Variants in FAM219A observed in about 807,000 individuals in gnomAD.
The protein encoded by FAM219A is protein FAM219A.
In FAM219A, 7 loss-of-function variants were observed where a neutral mutation model predicts 23.4. That is an observed-to-expected ratio of 0.30 (90% CI 0.17 to 0.56). FAM219A has a LOEUF of 0.56. Among genes scored for constraint, FAM219A ranks in the 20% least tolerant of loss-of-function variants. The pLI, the probability that FAM219A is intolerant of heterozygous loss-of-function variation, is 0.92. For missense variants in FAM219A, 166 were observed against 246.9 expected, an observed-to-expected ratio of 0.67 and a Z score of 2.20; for synonymous variants, 93 against 99.0, an observed-to-expected ratio of 0.94 and a Z score of 0.36.
chr9:34,401,486 T>C (rs1240202845), intron 5 of FAM219A, among the ~76,000 whole-genome samples, 180 bp downstream of exon 5: 2 of 152,230 alleles, frequency 1.3e-5, no homozygotes, highest in African/African-American at 4.8e-5. Flanking sequence ...CTGGGCTCCA[T>C]GCACTTGAGG....
At position 34,399,439 on chromosome 9, in the gene FAM219A, C is replaced by G. The variant is rs1821343382; in HGVS notation, c.*1525G>C. ...ATACACATCTTGATCTACAGACACC[C>G]TATACAGCCACACACAATAGACAAC... On this transcript the variant is annotated 3_prime_UTR_variant, in exon 6 of 6. Transcript: ENST00000651358. The G allele has an allele frequency of 6.6e-6, 1 of 152,332 alleles. No individual in the cohort carries two copies. Among genetic ancestry groups the G allele is most frequent in the Non-Finnish European group, 1.5e-5 (1 of 68,168 alleles). The allele number at this position is 152,332 out of a possible 1,614,324, so 9.4% of individuals were successfully genotyped here.
In FAM219A at chr9:34,430,461, C is replaced by A. The variant is rs527462067; in HGVS notation, c.61-24497G>T. Among the ~76,000 whole-genome samples the A allele has an allele frequency of 2.0e-5, 3 of 151,504 alleles. No individual in the cohort carries two copies. The South Asian group carries it at 6.3e-4, about 32-fold the overall frequency. Reference sequence around the variant, plus strand: ...GACCATCCTGGCTAACATGGTGAAACCCCATCTGTACTAAAAATATGAAAA... The same window carrying A: ...GACCATCCTGGCTAACATGGTGAAAACCCATCTGTACTAAAAATATGAAAA... On this transcript the variant is annotated intron_variant, in intron 1 of 5. Coordinates refer to ENST00000651358, the MANE Select transcript of FAM219A (RefSeq NM_001184940.2).
chr9:34,447,794 T>G (rs765472342), intron 1 of FAM219A, among the ~76,000 whole-genome samples: 6 of 152,176 alleles, frequency 3.9e-5, no homozygotes, highest in Non-Finnish European at 5.9e-5. Context: ...CCTATTTATT[T>G]CAAAAGGATT....
chr9:34,405,142 C>T (rs1821587677), intron 2 of FAM219A, among the ~76,000 whole-genome samples: 1 of 152,154 alleles, frequency 6.6e-6, no homozygotes, highest in Admixed American at 6.5e-5. Context: ...CCAAAGTTTT[C>T]ATAAAAGTGT....
chr9:34,458,135 C>T lies in FAM219A; in HGVS notation c.60+69G>A. ...CGCCCCTCCGCACGATCCCCCCGGC[C>T]TGATTCCCTCCCTCCCCCTCAAGCG... is the stretch of plus-strand genomic sequence containing the variant. On this transcript the variant is annotated intron_variant, in intron 1 of 5. Coordinates refer to ENST00000651358, the MANE Select transcript of FAM219A (RefSeq NM_001184940.2). This position sits in a 1 kb window ranked among gnomAD's most constrained non-coding sequence, Gnocchi z 6.6. 3 of 1,431,278 alleles carry T rather than the reference C, an allele frequency of 2.1e-6. No individual in the cohort carries two copies. The Admixed American group carries it at 6.5e-5, about 31-fold the overall frequency. The allele number at this position is 1,431,278 out of a possible 1,614,324, so 88.7% of individuals were successfully genotyped here. A position where few individuals can be genotyped will look rare whatever the true frequency, so the allele number is the denominator to read the frequency against.
intron 1 of FAM219A, among the ~76,000 whole-genome samples, chr9:34,416,310 CGAAGGAAG>C (rs138084194): frequency 9.3e-5 from 6 of 64,374 alleles, no homozygotes; most frequent in Admixed American, 3.0e-4. Flanking sequence ...AAGGAAGGAA[CGAAGGAAG>C]GAAGGAAGGA....
At chr9:34,421,138 G>A (rs1822267609) in intron 1 of FAM219A, among the ~76,000 whole-genome samples, 2 of 152,044 alleles carry the variant, frequency 1.3e-5, no homozygotes, top group African/African-American at 4.8e-5. Context: ...AGGGAGGTCA[G>A]GGCTGAGGGG....
intron 1 of FAM219A, among the ~76,000 whole-genome samples, chr9:34,428,773 C>A (rs1244639828): frequency 6.6e-6 from 1 of 152,200 alleles, no homozygotes; most frequent in Non-Finnish European, 1.5e-5. Context: ...ACAAACAAAC[C>A]CTCTTGGGAT....
intron 1 of FAM219A, among the ~76,000 whole-genome samples, chr9:34,446,163 ACT>A (rs1327571652): frequency 1.5e-5 from 2 of 134,980 alleles, no homozygotes; most frequent in African/African-American, 6.1e-5. Flanking sequence ...ACAGAGCGAG[ACT>A]CTGTCTCAAA....
At chr9:34,455,465 ATTTTTTT>A (rs11394221) in intron 1 of FAM219A, among the ~76,000 whole-genome samples, 2 of 129,692 alleles carry the variant, frequency 1.5e-5, no homozygotes, top group South Asian at 2.5e-4. Flanking sequence ...TGCTATCTTG[ATTTTTTT>A]TTTTTTTTTT....
At chr9:34,425,681 G>A (rs1822437640) in intron 1 of FAM219A, among the ~76,000 whole-genome samples, 1 of 152,128 alleles carries the variant, frequency 6.6e-6, no homozygotes, top group African/African-American at 2.4e-5. Flanking sequence ...ATGAGTGAGT[G>A]GGCAGTGCAC....
intron 4 of FAM219A, 168 bp downstream of exon 4, chr9:34,402,219 C>T (rs2131923227): frequency 2.5e-6 from 4 of 1,578,720 alleles, no homozygotes; most frequent in Non-Finnish European, 3.4e-6. Context: ...CTTCAACCCC[C>T]AGTCCCTGGT....
At chr9:34,431,101 C>T (rs1311945257) in intron 1 of FAM219A, among the ~76,000 whole-genome samples, 1 of 152,228 alleles carries the variant, frequency 6.6e-6, no homozygotes, top group Non-Finnish European at 1.5e-5. Flanking sequence ...GAAGTAGCTC[C>T]TGCATGACTC....
chr9:34,443,009 C>T (rs945255216), intron 1 of FAM219A, among the ~76,000 whole-genome samples: 10 of 151,330 alleles, frequency 6.6e-5, no homozygotes, highest in Non-Finnish European at 1.5e-4. Context: ...CAAGATAATC[C>T]AGTAGGTGGG....
intron 1 of FAM219A, among the ~76,000 whole-genome samples, chr9:34,453,675 C>CAG (rs1823638906): frequency 6.6e-6 from 1 of 152,186 alleles, no homozygotes; most frequent in Admixed American, 6.5e-5. Flanking sequence ...TTCAGCTGTG[C>CAG]AGAGACCCTA....
intron 1 of FAM219A, among the ~76,000 whole-genome samples, chr9:34,424,443 T>TGGGCAAGGGGTGGGTTGA (rs1554677828): frequency 1.3e-5 from 2 of 150,998 alleles, no homozygotes; most frequent in Non-Finnish European, 2.9e-5. Flanking sequence ...TTAGGAAGTG[T>TGGGCAAGGGGTGGGTTGA]GGGCAAGGGG....
At chr9:34,453,353 T>A (rs1823623637) in intron 1 of FAM219A, among the ~76,000 whole-genome samples, 1 of 152,166 alleles carries the variant, frequency 6.6e-6, no homozygotes, top group Non-Finnish European at 1.5e-5. Flanking sequence ...CATCCCTGAG[T>A]GTCAGGAAGC....
At chr9:34,434,625 G>C (rs567565561) in intron 1 of FAM219A, among the ~76,000 whole-genome samples, 2 of 152,284 alleles carry the variant, frequency 1.3e-5, no homozygotes, top group Admixed American at 1.3e-4. Flanking sequence ...ACACTAATGG[G>C]AGGAAGGCCA....
rs34403925 is a variant in FAM219A, at chr9:34,412,602, GA to G, written c.61-6639del. On this transcript the variant is annotated intron_variant, in intron 1 of 5. Coordinates refer to ENST00000651358, the MANE Select transcript of FAM219A (RefSeq NM_001184940.2). ...TAAAGTCTCTCAGAATGAGCGGAGT[GA>G]AAAAAAAAAAAACCAAGGGTGAAGT... Among the ~76,000 whole-genome samples, 216 of 143,058 alleles carry G rather than the reference GA, an allele frequency of 1.5e-3. 1 individual carries two copies. The Middle Eastern group carries it at 0.033, about 22-fold the overall frequency. The allele number at this position is 143,058 out of a possible 152,430, so 93.9% of individuals were successfully genotyped here.
Sources: gnomAD v4.1 joint callset for allele counts (sites outside exome capture counted in the v4.1 genomes callset) on GRCh38, gnomAD v4.1.1 for gene constraint, Gnocchi (gnomAD v3.1) non-coding constraint, MANE v1.5 for transcripts, NCBI Gene and HGNC (gene_info 2026-07-23, HGNC 2026-07-21) for gene names.